The following ZFHX3 variants were observed in gnomAD, a reference collection of about 807,000 sequenced individuals.
The protein encoded by ZFHX3 is zinc finger homeobox 3, also known as zinc finger homeobox protein 3.
A neutral mutation model predicts 279.1 loss-of-function variants in ZFHX3; 42 were observed. The ratio of observed to expected loss-of-function variants is 0.15; its 90% CI spans 0.12 to 0.19. The LOEUF (loss-of-function observed/expected upper bound fraction) is 0.19. Among genes scored for constraint, ZFHX3 ranks in the 10% least tolerant of loss-of-function variants. The pLI is 1.00. For missense variants in ZFHX3, 4,981 were observed against 4,754.0 expected (o/e 1.05, Z -1.40); for synonymous variants, 2,293 against 1,957.8 (o/e 1.17, Z -4.52).
At chr16:73,068,280 G>A (rs752198697) in intron 8 of ZFHX3, among the ~76,000 whole-genome samples, 14 of 152,210 alleles carry the variant, frequency 9.2e-5, no homozygotes, top group Non-Finnish European at 1.6e-4. Context: ...TCTCATCAAG[G>A]TCAGTAGAAT....
chr16:72,995,022 C>T (rs756720), intron 1 of ZFHX3, among the ~76,000 whole-genome samples: 30,949 of 152,098 alleles, frequency 0.2, 3,771 homozygotes, highest in Non-Finnish European at 0.28. Flanking sequence ...CAGCCTTCCC[C>T]GTAATCTGCT....
chr16:73,538,697 G>T (rs945498729), intron 2 of ZFHX3, among the ~76,000 whole-genome samples: 6 of 152,078 alleles, frequency 3.9e-5, no homozygotes, highest in Non-Finnish European at 2.9e-5. Flanking sequence ...TTAATACAGC[G>T]GAGACATGAG....
At chr16:73,287,913 G>A (rs944282299) in intron 4 of ZFHX3, among the ~76,000 whole-genome samples, 1 of 151,918 alleles carries the variant, frequency 6.6e-6, no homozygotes, top group Non-Finnish European at 1.5e-5. Flanking sequence ...CCGGCAGCAG[G>A]CTCATGAAAA....
chr16:73,520,643 C>A (rs1006863887), intron 2 of ZFHX3, among the ~76,000 whole-genome samples: 4 of 152,132 alleles, frequency 2.6e-5, no homozygotes, highest in Non-Finnish European at 4.4e-5. Flanking sequence ...CATCTGGTGT[C>A]TAGCAAGCAT....
rs371496297 is a variant in ZFHX3 at position 73,492,092 on chromosome 16, C to T, written c.-1546-35834G>A. Among the ~76,000 whole-genome samples the T allele has an allele frequency of 9.9e-5, 15 of 152,212 alleles. No homozygotes were observed. The South Asian group carries it at 3.1e-3, about 32-fold the overall frequency. ...GCTACATACCTATGCAGCTGTCTAT[C>T]AGTTACATTTATCGAGATGTCCAAC... On this transcript the variant is annotated intron_variant, in intron 2 of 17. Coordinates refer to the ZFHX3 transcript ENST00000641206.
At chr16:72,983,369 C>G (rs1962694569) in intron 1 of ZFHX3, among the ~76,000 whole-genome samples, 1 of 152,166 alleles carries the variant, frequency 6.6e-6, no homozygotes, top group Admixed American at 6.5e-5. Context: ...ACCAGGATCC[C>G]CGAACATCCC....
intron 2 of ZFHX3, among the ~76,000 whole-genome samples, chr16:73,566,853 C>T (rs1298413188): frequency 6.6e-6 from 1 of 152,124 alleles, no homozygotes. Flanking sequence ...CACATGCCAC[C>T]ACACCCAGCT....
intron 2 of ZFHX3, among the ~76,000 whole-genome samples, chr16:73,633,840 G>A (rs2052501089): frequency 6.6e-6 from 1 of 151,958 alleles, no homozygotes; most frequent in African/African-American, 2.4e-5. Context: ...GGAGGTTGCA[G>A]TGAGCCAAGA....
rs554177031 is a variant in ZFHX3, at chr16:73,303,760, A to G, written c.-1194+14480T>C. 3.3e-5 allele frequency among the ~76,000 whole-genome samples: 5 copies of G among 151,996 alleles called. No individual in the cohort carries two copies. The South Asian group carries it at 8.3e-4, about 25-fold the overall frequency. ...TTCCCTTATATACTCCATCTCTCTA[A>G]CCTGGATGTGGAAAGTCGACAGCAA... is the stretch of plus-strand genomic sequence containing the variant. On this transcript the variant is annotated intron_variant, in intron 4 of 17. Coordinates refer to the ZFHX3 transcript ENST00000641206.
chr16:72,942,505 T>C (rs1960459757), intron 3 of ZFHX3, among the ~76,000 whole-genome samples: 1 of 152,078 alleles, frequency 6.6e-6, no homozygotes, highest in Non-Finnish European at 1.5e-5. Flanking sequence ...ATCGGGGGGA[T>C]TCGTAAATAT....
intron 5 of ZFHX3, among the ~76,000 whole-genome samples, chr16:73,156,088 C>T (rs950489835): frequency 4.0e-5 from 6 of 151,108 alleles, no homozygotes; most frequent in African/African-American, 9.7e-5. Context: ...AAAAATTAGC[C>T]GGGTGTGGTG....
chr16:72,980,131 T>C (rs940445832), intron 1 of ZFHX3, among the ~76,000 whole-genome samples: 1 of 152,096 alleles, frequency 6.6e-6, no homozygotes, highest in African/African-American at 2.4e-5. Context: ...CACAGGGTGT[T>C]GGTGGTTTGC....
intron 6 of ZFHX3, among the ~76,000 whole-genome samples, chr16:73,135,481 A>C (rs1426439680): frequency 6.6e-6 from 1 of 152,224 alleles, no homozygotes; most frequent in Non-Finnish European, 1.5e-5. Context: ...AGAATAAAAG[A>C]ACTCTTCAAT....
chr16:73,718,363 A>G (rs111339697), intron 1 of ZFHX3, among the ~76,000 whole-genome samples: 17,562 of 151,998 alleles, frequency 0.12, 1,400 homozygotes, highest in Non-Finnish European at 0.16. Flanking sequence ...GTGAGCCAAG[A>G]TCTTGCCATC....
At chr16:73,003,116 G>A (rs571002115) in intron 1 of ZFHX3, among the ~76,000 whole-genome samples, 7 of 152,204 alleles carry the variant, frequency 4.6e-5, no homozygotes, top group Admixed American at 2.0e-4. Flanking sequence ...TCTACCATAT[G>A]GCTGCACCAC....
At chr16:73,231,730 G>T (rs1358895100) in intron 5 of ZFHX3, among the ~76,000 whole-genome samples, 1 of 152,078 alleles carries the variant, frequency 6.6e-6, no homozygotes, top group African/African-American at 2.4e-5. Flanking sequence ...TCACCACGCC[G>T]AGTGCCCTTC....
At chr16:73,444,955 T>TAAAAA (rs56235953) in intron 3 of ZFHX3, among the ~76,000 whole-genome samples, 1 of 68,454 alleles carries the variant, frequency 1.5e-5, no homozygotes, top group African/African-American at 5.5e-5. Context: ...CCATCTATAC[T>TAAAAA]AAAAAAAAAA....
At chr16:72,990,923 T>C (rs1037781623) in intron 1 of ZFHX3, among the ~76,000 whole-genome samples, 1 of 151,394 alleles carries the variant, frequency 6.6e-6, no homozygotes, top group Non-Finnish European at 1.5e-5. Context: ...GAGGTTGCAG[T>C]GAACCAAGAT....
intron 1 of ZFHX3, among the ~76,000 whole-genome samples, chr16:73,019,272 C>T (rs1964210886): frequency 6.6e-6 from 1 of 152,198 alleles, no homozygotes; most frequent in South Asian, 2.1e-4. Context: ...GAAGGTGGCT[C>T]TCAGGACATG....
Sources: gnomAD v4.1 joint callset for allele counts (sites outside exome capture counted in the v4.1 genomes callset) on GRCh38, gnomAD v4.1.1 for gene constraint, MANE v1.5 for transcripts, NCBI Gene and HGNC (gene_info 2026-07-23, HGNC 2026-07-21) for gene names.